The following QTGAL variants were observed in gnomAD, a reference collection of about 807,000 sequenced individuals.
QTGAL encodes BGnT-like protein 1.
the QTGAL span, among the ~76,000 whole-genome samples, chr17:82,995,659 A>C: frequency 2.5e-4 from 38 of 152,210 alleles, no homozygotes; most frequent in Admixed American, 6.5e-5. Flanking sequence ...CTGGGATTAT[A>C]GATGTGAGCC....
chr17:82,975,949 C>CT, the QTGAL span, among the ~76,000 whole-genome samples: 3 of 53,958 alleles, frequency 5.6e-5, no homozygotes, highest in Non-Finnish European at 6.8e-5. Flanking sequence ...CCAGAGGCCA[C>CT]TATGGAGAGT....
At chr17:83,027,973 G>A in the QTGAL span, among the ~76,000 whole-genome samples, 3,844 of 152,132 alleles carry the variant, frequency 0.025, 170 homozygotes, top group African/African-American at 0.088. Flanking sequence ...AATTAGCCAG[G>A]TGTGGTGGTA....
chr17:83,023,585 T>C, the QTGAL span, among the ~76,000 whole-genome samples: 7 of 152,348 alleles, frequency 4.6e-5, no homozygotes, highest in African/African-American at 7.2e-5. Context: ...TACTGACCAG[T>C]GTACCATTCT....
chr17:83,016,674 G>C, the QTGAL span, among the ~76,000 whole-genome samples: 2 of 131,948 alleles, frequency 1.5e-5, no homozygotes, highest in African/African-American at 5.7e-5. Flanking sequence ...GTGGAGGGAA[G>C]TGGGGGTTGG....
chr17:83,012,744 A>C, the QTGAL span, among the ~76,000 whole-genome samples: 8 of 152,100 alleles, frequency 5.3e-5, no homozygotes, highest in Non-Finnish European at 1.0e-4. Flanking sequence ...TTCCTCACAT[A>C]AACTGTCCAC....
At chr17:82,942,940 C>G in the QTGAL span, 1 of 198,100 alleles carries the variant, frequency 5.0e-6, no homozygotes, top group Non-Finnish European at 1.0e-5. Context: ...CTGAGAAGCC[C>G]TGGTGGCAGG....
At chr17:83,015,999 CT>C in the QTGAL span, among the ~76,000 whole-genome samples, 1 of 152,084 alleles carries the variant, frequency 6.6e-6, no homozygotes, top group South Asian at 2.1e-4. This position sits in a 1 kb window ranked among gnomAD's most constrained non-coding sequence, Gnocchi z 4.4. Flanking sequence ...AGAGTGGTCA[CT>C]TTTTGGGGGG....
the QTGAL span, chr17:83,005,794 G>A: frequency 1.0e-5 from 11 of 1,050,584 alleles, no homozygotes; most frequent in South Asian, 3.4e-5. This position sits in a 1 kb window ranked among gnomAD's most constrained non-coding sequence, Gnocchi z 5.6. Flanking sequence ...ACCCCCTCCC[G>A]GGCCCTGCAG....
At chr17:83,049,687 A>G in the QTGAL span, among the ~76,000 whole-genome samples, 1 of 152,290 alleles carries the variant, frequency 6.6e-6, no homozygotes, top group South Asian at 2.1e-4. Context: ...ATCGGGCAGG[A>G]GGTGTTCAAA....
At chr17:82,961,217 C>T in the QTGAL span, 1 of 1,591,134 alleles carries the variant, frequency 6.3e-7, no homozygotes, top group Non-Finnish European at 8.5e-7. Flanking sequence ...TCACTGGGGC[C>T]CCAGAAACGC....
At chr17:83,047,783 C>T in the QTGAL span, among the ~76,000 whole-genome samples, 32,085 of 105,922 alleles carry the variant, frequency 0.3, 4,013 homozygotes, top group East Asian at 0.46. Flanking sequence ...TTTAGGTCTA[C>T]AATAAATCCC....
the QTGAL span, among the ~76,000 whole-genome samples, chr17:83,013,651 C>T: frequency 1.3e-5 from 2 of 151,674 alleles, no homozygotes; most frequent in South Asian, 2.1e-4. Flanking sequence ...CAGAGCCGGC[C>T]GTGACTGAAC....
At chr17:83,011,425 A>G in the QTGAL span, 2 of 152,266 alleles carry the variant, frequency 1.3e-5, no homozygotes, top group African/African-American at 4.8e-5. Flanking sequence ...AACAACGACC[A>G]AGTACAAGTA....
At chr17:82,976,972 T>C in the QTGAL span, among the ~76,000 whole-genome samples, 1 of 151,614 alleles carries the variant, frequency 6.6e-6, no homozygotes, top group Non-Finnish European at 1.5e-5. Flanking sequence ...CCGAACTCCA[T>C]CCTCCCAGGG....
At chr17:82,945,137 A>G in the QTGAL span, 1 of 152,238 alleles carries the variant, frequency 6.6e-6, no homozygotes, top group Non-Finnish European at 1.5e-5. Context: ...AGAGATTAGA[A>G]AAAAACAGAG....
chr17:83,024,780 C>T, the QTGAL span, among the ~76,000 whole-genome samples: 13 of 152,254 alleles, frequency 8.5e-5, no homozygotes, highest in Non-Finnish European at 1.2e-4. Flanking sequence ...TGCAGCCGGA[C>T]AGGCAGACGC....
chr17:83,026,606 A>C, the QTGAL span, among the ~76,000 whole-genome samples: 173 of 107,168 alleles, frequency 1.6e-3, 1 homozygote, highest in Middle Eastern at 6.3e-3. Context: ...CAAACCCACC[A>C]TCGACCGATA....
chr17:82,996,040 G>A, the QTGAL span, among the ~76,000 whole-genome samples: 12 of 152,172 alleles, frequency 7.9e-5, no homozygotes, highest in African/African-American at 2.9e-4. Flanking sequence ...AACCAAAGGA[G>A]TGAAAGATCT....
At chr17:83,032,261 G>A in the QTGAL span, among the ~76,000 whole-genome samples, 11 of 87,350 alleles carry the variant, frequency 1.3e-4, no homozygotes, top group East Asian at 4.0e-4. Flanking sequence ...ACCAGGCCAG[G>A]CCTCCGACCC....
Sources: allele counts gnomAD v4.1 joint callset (sites outside exome capture counted in the v4.1 genomes callset), GRCh38; gene constraint gnomAD v4.1.1; non-coding constraint Gnocchi (gnomAD v3.1); transcripts MANE v1.5; gene names NCBI Gene and HGNC (gene_info 2026-07-23, HGNC 2026-07-21).